COL11A1: variants seen among roughly 807,000 people sequenced by gnomAD.
The protein encoded by COL11A1 is collagen type XI alpha 1 chain.
Under a neutral mutation model 265.2 loss-of-function variants are expected in COL11A1, and 74 were observed. The ratio of observed to expected loss-of-function variants is 0.28; its 90% CI spans 0.23 to 0.34. The LOEUF is 0.34. COL11A1 is among the 10% of genes least tolerant of loss of function. The pLI is 1.00. For synonymous variants in COL11A1, 816 were observed against 727.6 expected (o/e 1.12, Z -1.96); for missense variants, 2,165 against 2,263.6 (o/e 0.96, Z 0.88).
intron 28 of COL11A1, among the ~76,000 whole-genome samples, chr1:102,995,614 A>G (rs1156868255): frequency 2.0e-5 from 3 of 152,076 alleles, no homozygotes; most frequent in Non-Finnish European, 4.4e-5. Context: ...TGTAAAAAAA[A>G]AAAAAGAAAA....
chr1:103,065,522 C>CAAAAAAAAAAAAAAAAAAAAAA (rs138446065), intron 4 of COL11A1, among the ~76,000 whole-genome samples: 3 of 35,350 alleles, frequency 8.5e-5, no homozygotes, highest in Admixed American at 5.4e-4. Context: ...GACTCCGTCT[C>CAAAAAAAAAAAAAAAAAAAAAA]AAAAAAAAAA....
intron 41 of COL11A1, among the ~76,000 whole-genome samples, chr1:102,960,745 GA>G (rs71094585): frequency 2.7e-4 from 40 of 149,848 alleles, no homozygotes; most frequent in East Asian, 7.8e-4. Context: ...GGCATGAAGG[GA>G]AAAAAAAAGG....
In COL11A1 at chr1:103,006,243, C is replaced by A; in HGVS notation, c.1737+19G>T. On this transcript the variant is annotated intron_variant, in intron 16 of 66. Transcript: ENST00000370096. Reference sequence around the variant, plus strand: ...TCATGGCAGATGCCTTCAAAATGCACAATGAAAATAAGCCATACCCTTTTT... The same window carrying A: ...TCATGGCAGATGCCTTCAAAATGCAAAATGAAAATAAGCCATACCCTTTTT... The A allele has an allele frequency of 6.2e-7, 1 of 1,600,696 alleles. No homozygotes were observed. The highest frequency in any genetic ancestry group is 1.1e-5 in the South Asian group (1 of 89,408).
rs746192125 is a variant in COL11A1 at position 103,006,115 on chromosome 1, G to A, written c.1744C>T (p.Pro582Ser). Residue 582 changes from proline to serine, a missense_variant, in exon 17 of 67, where the codon CCA becomes TCA. Pro to Ser is a moderately conservative substitution (Grantham distance 74). Transcript: ENST00000370096. ...PTGKPGKRGR[P>S]GADGGRGMPG... ...ATTCCTCTTCCTCCATCTGCACCTG[G>A]ACGACCCTAATAATGCCAACAGCAT... The A allele has an allele frequency of 7.4e-6, 12 of 1,613,440 alleles. No homozygotes were observed. Among genetic ancestry groups the A allele is most frequent in the Middle Eastern group, 1.6e-4 (1 of 6,082 alleles).
At chr1:103,042,842 A>G (rs1037430123) in intron 4 of COL11A1, among the ~76,000 whole-genome samples, 2 of 151,750 alleles carry the variant, frequency 1.3e-5, no homozygotes, top group Non-Finnish European at 2.9e-5. Context: ...GTGGGAACTC[A>G]GAGTGAACCC....
At chr1:103,053,123 A>C (rs904310164) in intron 4 of COL11A1, among the ~76,000 whole-genome samples, 1 of 152,214 alleles carries the variant, frequency 6.6e-6, no homozygotes, top group Non-Finnish European at 1.5e-5. Context: ...CCAATGACGC[A>C]CTAATCAGCA....
intron 36 of COL11A1, among the ~76,000 whole-genome samples, chr1:102,971,043 T>C (rs916883420): frequency 1.3e-5 from 2 of 149,458 alleles, no homozygotes; most frequent in African/African-American, 4.9e-5. Flanking sequence ...AAACCAAGAA[T>C]GCAAAATAAA....
At chr1:103,007,705 A>G (rs375178665) in intron 15 of COL11A1, among the ~76,000 whole-genome samples, 1 of 151,854 alleles carries the variant, frequency 6.6e-6, no homozygotes, top group African/African-American at 2.4e-5. Context: ...AAAAAATGCA[A>G]AAAAATTTGC....
In COL11A1 at chr1:102,984,145, C is replaced by G. The variant is rs756693376; in HGVS notation, c.2549G>C (p.Gly850Ala). 3 of 1,600,324 alleles carry G rather than the reference C, an allele frequency of 1.9e-6. No homozygotes were observed. The Admixed American group carries it at 5.0e-5, about 27-fold the overall frequency. ...AATATCAAGCTGTTTTACCTTTGGA[C>G]CTTGTCTTCCTGGATATCCTGGTAA... ...PGLPGYPGRQ[G>A]PKGSTGFPGF... Residue 850 changes from glycine (G) to alanine (A), a missense_variant, in exon 31 of 67, where the codon GGT (glycine) becomes GCT (alanine). Coordinates refer to ENST00000370096, the MANE Select transcript of COL11A1 (RefSeq NM_001854.4).
rs186914351 is a variant in COL11A1 at position 103,082,080 on chromosome 1, C to T, written c.274+725G>A. Among the ~76,000 whole-genome samples, 319 of 152,072 alleles carry T rather than the reference C, an allele frequency of 2.1e-3. 7 individuals are homozygous for T. Among genetic ancestry groups the T allele is most frequent in the East Asian group, 2.7e-3 (14 of 5,164 alleles). On this transcript the variant is annotated intron_variant, in intron 2 of 66. Coordinates refer to ENST00000370096, the MANE Select transcript of COL11A1 (RefSeq NM_001854.4). The stretch of plus-strand genomic sequence containing the variant: ...TTCACCACTCAATTCCCTTTCTCCA[C>T]ATTATCATGATTTCTAGATAATTAG...
chr1:102,889,026 G>A (rs1446459811), intron 59 of COL11A1, 107 bp from the exon 60 acceptor site: 7 of 1,019,174 alleles, frequency 6.9e-6, no homozygotes, highest in Non-Finnish European at 1.1e-5. Context: ...AAAATTTAGA[G>A]AATGCAAAAA....
intron 49 of COL11A1, among the ~76,000 whole-genome samples, chr1:102,920,018 TA>T (rs1655792713): frequency 6.6e-6 from 1 of 152,062 alleles, no homozygotes; most frequent in Non-Finnish European, 1.5e-5. Flanking sequence ...AGGAATCCTC[TA>T]GGGCTCAGCT....
At chr1:102,887,831 G>A (rs1651196045) in intron 62 of COL11A1, among the ~76,000 whole-genome samples, 1 of 152,070 alleles carries the variant, frequency 6.6e-6, no homozygotes, top group Admixed American at 6.6e-5. Flanking sequence ...CACCCAAAGA[G>A]GGAAGATAAT....
At chr1:103,082,273 G>A (rs1345238370) in intron 2 of COL11A1, among the ~76,000 whole-genome samples, 1 of 151,838 alleles carries the variant, frequency 6.6e-6, no homozygotes, top group Non-Finnish European at 1.5e-5. Context: ...GATAAGAGCG[G>A]CATGAAAAAA....
In COL11A1 at chr1:103,006,285, G is replaced by T. The variant is rs773342979; in HGVS notation, c.1714C>A (p.Pro572Thr). The T allele has an allele frequency of 2.5e-6, 4 of 1,609,118 alleles. No individual in the cohort carries two copies. In the South Asian group the frequency reaches 3.3e-5, roughly 13 times the overall value. ...GPRGVQGPPG[P>T]TGKPGKRGRP... ...ACCCTTTTTCCAGGTTTTCCCGTTG[G>T]ACCAGGGGGACCCTGGACGCCTCGA... is the stretch of plus-strand genomic sequence containing the variant. The change falls in exon 16 of 67, where the codon CCA becomes ACA. Residue 572 changes from proline to threonine, a missense_variant. Pro to Thr is a conservative substitution (Grantham distance 38, BLOSUM62 -1). Transcript: ENST00000370096.
At chr1:102,953,652 T>G (rs1660103251) in intron 41 of COL11A1, among the ~76,000 whole-genome samples, 1 of 152,134 alleles carries the variant, frequency 6.6e-6, no homozygotes, top group Non-Finnish European at 1.5e-5. Flanking sequence ...ATATAAAATC[T>G]CAAATAATTG....
intron 1 of COL11A1, among the ~76,000 whole-genome samples, chr1:103,096,707 C>T (rs1415361): frequency 0.49 from 74,955 of 151,676 alleles, 21,691 homozygotes; most frequent in East Asian, 0.92. Flanking sequence ...TGAAAGAGAA[C>T]TTTAAGACTT....
chr1:102,977,665 A>G (rs540319999), intron 35 of COL11A1, among the ~76,000 whole-genome samples: 8 of 152,148 alleles, frequency 5.3e-5, no homozygotes, highest in Non-Finnish European at 4.4e-5. Context: ...ATTAATTTAA[A>G]TGTCCCTTAT....
At chr1:102,927,996 A>C (rs1656826739) in intron 46 of COL11A1, among the ~76,000 whole-genome samples, 1 of 152,018 alleles carries the variant, frequency 6.6e-6, no homozygotes, top group South Asian at 2.1e-4. Flanking sequence ...GTGTCTCCAG[A>C]TCCGCCCCTG....
Sources: gnomAD v4.1 joint callset for allele counts (sites outside exome capture counted in the v4.1 genomes callset) on GRCh38, gnomAD v4.1.1 for gene constraint, MANE v1.5 for transcripts, NCBI Gene and HGNC (gene_info 2026-07-23, HGNC 2026-07-21) for gene names.